The following PDE11A variants were observed in gnomAD, a reference collection of about 807,000 sequenced individuals.
PDE11A encodes the protein phosphodiesterase 11A, also known as dual 3',5'-cyclic-AMP and -GMP phosphodiesterase 11A.
In PDE11A, 100 loss-of-function variants were observed where a neutral mutation model predicts 100.5. That is an observed-to-expected ratio of 1.00 (90% confidence interval 0.85 to 1.18). PDE11A has a LOEUF of 1.18. Ranked by LOEUF, PDE11A falls within the 50% of genes most tolerant of loss-of-function variation. The probability of loss-of-function intolerance (pLI) is 0.00; values close to 1 mark genes in which losing one functional copy is unlikely to be tolerated. For missense variants in PDE11A, 1,141 were observed against 1,152.6 expected (o/e 0.99, Z 0.15); for synonymous variants, 381 against 420.8 (o/e 0.91, Z 1.16).
chr2:178,071,498 G>T, intron 1 of PDE11A, 28 bp downstream of exon 1: 1 of 1,612,968 alleles, frequency 6.2e-7, no homozygotes, highest in South Asian at 1.1e-5. Context: ...ATGGGGCTCT[G>T]GGAGAAGGGG....
chr2:177,735,826 C>T (rs893014365), intron 10 of PDE11A, among the ~76,000 whole-genome samples: 5 of 152,220 alleles, frequency 3.3e-5, no homozygotes, highest in African/African-American at 4.8e-5. Context: ...GACTTCTGTT[C>T]GCTGTCCATG....
chr2:177,654,485 C>A lies in PDE11A; in HGVS notation c.2646+9381G>T, dbSNP rs372973331. The stretch of plus-strand genomic sequence containing the variant: ...GCAGTGGGCCGAGATTGCACCACTG[C>A]ACTTCAGCCTGGGTAACAGTGAGAC... On this transcript the variant is annotated intron_variant, in intron 19 of 19. Transcript: ENST00000286063. Among the ~76,000 whole-genome samples the A allele has an allele frequency of 9.8e-4, 149 of 151,968 alleles. 3 individuals carry two copies. The highest frequency in any genetic ancestry group is 3.5e-3 in the African/African-American group (146 of 41,460).
intron 10 of PDE11A, among the ~76,000 whole-genome samples, chr2:177,762,424 T>A (rs1257665515): frequency 3.3e-5 from 5 of 152,180 alleles, no homozygotes; most frequent in African/African-American, 1.2e-4. Flanking sequence ...AGTGATACAG[T>A]CCCAGATGCG....
At chr2:178,050,919 T>C (rs904206905) in intron 1 of PDE11A, among the ~76,000 whole-genome samples, 7 of 152,278 alleles carry the variant, frequency 4.6e-5, no homozygotes, top group South Asian at 2.1e-4. Flanking sequence ...TGGAACCAAG[T>C]TGGAAAACAA....
chr2:177,941,165 G>A (rs973900489), intron 2 of PDE11A, among the ~76,000 whole-genome samples: 4 of 152,198 alleles, frequency 2.6e-5, no homozygotes, highest in Admixed American at 6.6e-5. Context: ...TAATCCTCAC[G>A]GCAATCTTCT....
chr2:177,944,725 G>A (rs1459047402), intron 2 of PDE11A, among the ~76,000 whole-genome samples: 1 of 152,090 alleles, frequency 6.6e-6, no homozygotes, highest in African/African-American at 2.4e-5. Flanking sequence ...CCGCCGAGGT[G>A]CGGGCTGTGA....
intron 6 of PDE11A, among the ~76,000 whole-genome samples, chr2:177,830,263 C>T (rs62184549): frequency 0.25 from 37,538 of 152,006 alleles, 4,843 homozygotes; most frequent in African/African-American, 0.29. Context: ...CCCAGCAATG[C>T]CATGCCCAGA....
At chr2:177,731,279 ATCT>A (rs1056627777) in intron 10 of PDE11A, among the ~76,000 whole-genome samples, 1 of 152,160 alleles carries the variant, frequency 6.6e-6, no homozygotes, top group African/African-American at 2.4e-5. Context: ...CGGCCTGATA[ATCT>A]TTAGTTTTCC....
chr2:177,885,830 C>T (rs2084421833), intron 4 of PDE11A, among the ~76,000 whole-genome samples: 1 of 152,086 alleles, frequency 6.6e-6, no homozygotes, highest in African/African-American at 2.4e-5. Flanking sequence ...GACCAAGGAG[C>T]TAAGGAGGAT....
chr2:177,727,542 G>A, intron 12 of PDE11A, 116 bp downstream of exon 12: 1 of 758,972 alleles, frequency 1.3e-6, no homozygotes, highest in Non-Finnish European at 2.4e-6. Context: ...GGGTAGGTAA[G>A]TTCCAACATA....
At chr2:177,821,515 C>T (rs992939567) in intron 6 of PDE11A, among the ~76,000 whole-genome samples, 1 of 151,850 alleles carries the variant, frequency 6.6e-6, no homozygotes, top group Admixed American at 6.6e-5. Context: ...AGTTATTCAC[C>T]TGTTCAGCTT....
intron 2 of PDE11A, among the ~76,000 whole-genome samples, chr2:177,932,929 T>C (rs1050926146): frequency 1.6e-4 from 25 of 152,132 alleles, no homozygotes; most frequent in African/African-American, 6.0e-4. Flanking sequence ...CTAAGGACTT[T>C]ACCAAAAGGC....
intron 6 of PDE11A, among the ~76,000 whole-genome samples, chr2:177,834,587 T>G (rs2083363196): frequency 6.6e-6 from 1 of 152,164 alleles, no homozygotes; most frequent in Non-Finnish European, 1.5e-5. Flanking sequence ...CTGGGGTGGC[T>G]AGCTGGCCAG....
At chr2:177,800,270 A>G (rs1323786649) in intron 9 of PDE11A, among the ~76,000 whole-genome samples, 1 of 152,014 alleles carries the variant, frequency 6.6e-6, no homozygotes, top group Admixed American at 6.6e-5. Flanking sequence ...CCAGGGCTCA[A>G]GGGATCCTGC....
At chr2:177,886,040 A>C (rs548850484) in intron 4 of PDE11A, among the ~76,000 whole-genome samples, 197 of 152,326 alleles carry the variant, frequency 1.3e-3, no homozygotes, top group Non-Finnish European at 1.6e-3. Flanking sequence ...CTTAGGACAT[A>C]AGATTAAAAT....
chr2:177,934,643 C>A (rs1419033110), intron 2 of PDE11A, among the ~76,000 whole-genome samples: 2 of 152,012 alleles, frequency 1.3e-5, no homozygotes, highest in African/African-American at 4.8e-5. Flanking sequence ...GGGTATATAC[C>A]CAAAAGAAAA....
At chr2:177,642,365 G>A (rs78105567) in intron 19 of PDE11A, among the ~76,000 whole-genome samples, 3,637 of 152,260 alleles carry the variant, frequency 0.024, 130 homozygotes, top group African/African-American at 0.082. Context: ...ACGACCAAGG[G>A]TGAAATAATA....
At chr2:177,853,886 ATG>A (rs200706887) in intron 5 of PDE11A, among the ~76,000 whole-genome samples, 41 of 143,846 alleles carry the variant, frequency 2.9e-4, no homozygotes, top group African/African-American at 1.1e-3. Flanking sequence ...ATATCTATAT[ATG>A]TGTATAGATA....
At chr2:178,044,238 G>A (rs1294890288) in intron 1 of PDE11A, among the ~76,000 whole-genome samples, 1 of 151,832 alleles carries the variant, frequency 6.6e-6, no homozygotes, top group Non-Finnish European at 1.5e-5. Context: ...AATTGCAAAT[G>A]TCTTTCAAAT....
Sources: allele counts gnomAD v4.1 joint callset (sites outside exome capture counted in the v4.1 genomes callset), GRCh38; gene constraint gnomAD v4.1.1; transcripts MANE v1.5; gene names NCBI Gene and HGNC (gene_info 2026-07-23, HGNC 2026-07-21).